Variants in SLC12A2 observed in about 807,000 individuals in gnomAD.
The protein encoded by SLC12A2 is Na-K-2Cl cotransporter 1.
SLC12A2 carries 67 observed loss-of-function variants against 136.3 expected under a neutral mutation model. The ratio of observed to expected loss-of-function variants is 0.49; its 90% CI spans 0.40 to 0.60. SLC12A2 has a LOEUF of 0.60. Ranked by LOEUF, SLC12A2 falls within the 20% of genes least tolerant of loss-of-function variation. SLC12A2 has a pLI of 0.00. For synonymous variants in SLC12A2, 619 were observed against 562.9 expected, an observed-to-expected ratio of 1.10 and a Z score of -1.41; for missense variants, 1,322 against 1,534.7, an observed-to-expected ratio of 0.86 and a Z score of 2.32.
In SLC12A2 at chr5:128,145,302, T is replaced by C. The variant is rs182719405; in HGVS notation, c.1774-2320T>C. 7.9e-5 allele frequency among the ~76,000 whole-genome samples: 12 copies of C among 152,228 alleles called. No homozygotes were observed. The East Asian group carries it at 1.5e-3, about 20-fold the overall frequency. On this transcript the variant is annotated intron_variant, in intron 10 of 26. Transcript: ENST00000262461. ...ATGTATCATATACTCTGTTCTCTACTTTCGTCCACTTATCTCTTTCTTTGT... is the reference window on the plus strand; with the variant it reads ...ATGTATCATATACTCTGTTCTCTACCTTCGTCCACTTATCTCTTTCTTTGT...
At chr5:128,133,942 G>A (rs1762105788) in intron 5 of SLC12A2, among the ~76,000 whole-genome samples, 1 of 151,996 alleles carries the variant, frequency 6.6e-6, no homozygotes, top group South Asian at 2.1e-4. Flanking sequence ...AAATATAGAA[G>A]CATTAATAAT....
At chr5:128,111,218 T>C (rs17164360) in intron 1 of SLC12A2, among the ~76,000 whole-genome samples, 5,553 of 152,258 alleles carry the variant, frequency 0.036, 362 homozygotes, top group African/African-American at 0.13. Context: ...CACACAATTA[T>C]TGCATCTGGC....
At chr5:128,150,464 T>C (rs1762666587) in intron 13 of SLC12A2, among the ~76,000 whole-genome samples, 1 of 151,750 alleles carries the variant, frequency 6.6e-6, no homozygotes, top group Non-Finnish European at 1.5e-5. Flanking sequence ...TTCTGTAAAA[T>C]TCTGAAAAGG....
intron 22 of SLC12A2, 23 bp from the exon 23 acceptor site, chr5:128,180,860 T>G: frequency 7.5e-7 from 1 of 1,333,774 alleles, no homozygotes; most frequent in Non-Finnish European, 1.1e-6. Flanking sequence ...TAGTAAATGA[T>G]TTATTACATT....
intron 20 of SLC12A2, among the ~76,000 whole-genome samples, chr5:128,176,651 AT>A (rs929158341): frequency 6.6e-6 from 1 of 151,938 alleles, no homozygotes; most frequent in Non-Finnish European, 1.5e-5. Context: ...AGTGTGATTA[AT>A]TTTTTACAAA....
At chr5:128,163,038 C>G (rs1763092740) in intron 17 of SLC12A2, among the ~76,000 whole-genome samples, 1 of 151,926 alleles carries the variant, frequency 6.6e-6, no homozygotes, top group Non-Finnish European at 1.5e-5. Flanking sequence ...CCCAGAGAAG[C>G]CAAAAGATTG....
chr5:128,084,010 G>T lies in SLC12A2; in HGVS notation c.56G>T (p.Gly19Val). 8.0e-7 allele frequency: 1 copy of T among 1,254,268 alleles called. No individual in the cohort carries two copies. The highest frequency in any genetic ancestry group is 1.0e-6 in the Non-Finnish European group (1 of 1,002,042). The allele number at this position is 1,254,268 out of a possible 1,614,324, so 77.7% of individuals were successfully genotyped here. The change falls in exon 1 of 27, where the codon GGG becomes GTG. Residue 19 changes from glycine to valine, a missense_variant. Coordinates refer to ENST00000262461, the MANE Select transcript of SLC12A2 (RefSeq NM_001046.3). This position sits in a 1 kb window ranked among gnomAD's most constrained non-coding sequence, Gnocchi z 5.6. ...SSGAPGLAGV[G>V]ETPSAAALAA... ...GGCGCCCCGGGACTGGCCGGGGTCG[G>T]GGAGACGCCGTCAGCCGCTGCGCTG... is the stretch of plus-strand genomic sequence containing the variant.
At chr5:128,155,177 C>A (rs190418047) in intron 15 of SLC12A2, among the ~76,000 whole-genome samples, 3 of 152,116 alleles carry the variant, frequency 2.0e-5, no homozygotes, top group Non-Finnish European at 2.9e-5. Context: ...CAGATGAAGC[C>A]GGATGTTGAG....
chr5:128,131,465 G>A (rs1471257032), intron 5 of SLC12A2, among the ~76,000 whole-genome samples: 4 of 151,448 alleles, frequency 2.6e-5, no homozygotes, highest in South Asian at 4.2e-4. Flanking sequence ...AGATCGAGGC[G>A]AGCGGATCAC....
intron 1 of SLC12A2, among the ~76,000 whole-genome samples, chr5:128,112,009 A>T (rs1761165995): frequency 6.6e-6 from 1 of 152,178 alleles, no homozygotes; most frequent in Non-Finnish European, 1.5e-5. Flanking sequence ...ACATAATTCT[A>T]AACCCAGAAC....
At chr5:128,090,058 C>T (rs1430355205) in intron 1 of SLC12A2, among the ~76,000 whole-genome samples, 1 of 152,174 alleles carries the variant, frequency 6.6e-6, no homozygotes, top group African/African-American at 2.4e-5. Flanking sequence ...CTTTGCCCTG[C>T]TAAACCCATG....
At chr5:128,126,422 A>T (rs554895525) in intron 4 of SLC12A2, among the ~76,000 whole-genome samples, 1 of 152,312 alleles carries the variant, frequency 6.6e-6, no homozygotes, top group Non-Finnish European at 1.5e-5. Flanking sequence ...ACTCTTGTAC[A>T]CTGTTGGTGG....
chr5:128,179,397 T>C (rs1003957496), intron 22 of SLC12A2, among the ~76,000 whole-genome samples: 7 of 152,202 alleles, frequency 4.6e-5, no homozygotes, highest in South Asian at 2.1e-4. Flanking sequence ...TGTGGACTCA[T>C]TGATTCCTAT....
At chr5:128,087,226 G>A (rs183856462) in intron 1 of SLC12A2, among the ~76,000 whole-genome samples, 2 of 152,262 alleles carry the variant, frequency 1.3e-5, no homozygotes, top group Non-Finnish European at 2.9e-5. Context: ...AGGACCAGTA[G>A]GCATGAGTTC....
rs199594807 is a variant in SLC12A2 at position 128,186,672 on chromosome 5, G to T, written c.*41G>T. 2.5e-6 allele frequency: 4 copies of T among 1,597,068 alleles called. No homozygotes were observed. Among genetic ancestry groups the T allele is most frequent in the Admixed American group, 1.7e-5 (1 of 58,734 alleles). Reference sequence around the variant, plus strand: ...GACAGCCCTCCAGAATGGTACTTCAGTGCCTAGTGTAGTAACTGAAATCTT... The same window carrying T: ...GACAGCCCTCCAGAATGGTACTTCATTGCCTAGTGTAGTAACTGAAATCTT... On this transcript the variant is annotated 3_prime_UTR_variant, in exon 27 of 27. Transcript: ENST00000262461.
chr5:128,178,434 G>T, intron 21 of SLC12A2, 133 bp from the exon 22 acceptor site: 2 of 504,638 alleles, frequency 4.0e-6, no homozygotes, highest in Non-Finnish European at 6.6e-6. Flanking sequence ...TATGGTAGAT[G>T]CCGTATACAA....
intron 1 of SLC12A2, among the ~76,000 whole-genome samples, chr5:128,089,603 A>G (rs1318227844): frequency 1.3e-5 from 2 of 152,206 alleles, no homozygotes; most frequent in African/African-American, 4.8e-5. Flanking sequence ...TTGAATGATT[A>G]TATAACTGAC....
intron 21 of SLC12A2, among the ~76,000 whole-genome samples, chr5:128,177,941 C>T (rs1763584900): frequency 6.6e-6 from 1 of 152,088 alleles, no homozygotes; most frequent in African/African-American, 2.4e-5. Context: ...GAGCTCCCAC[C>T]ATCTTTCTGT....
At chr5:128,120,265 T>G (rs1284206944) in intron 4 of SLC12A2, among the ~76,000 whole-genome samples, 3 of 149,088 alleles carry the variant, frequency 2.0e-5, no homozygotes, top group African/African-American at 7.4e-5. Flanking sequence ...TTGGTGGGAC[T>G]GTAAACTAGT....
Sources: gnomAD v4.1 joint callset for allele counts (sites outside exome capture counted in the v4.1 genomes callset) on GRCh38, gnomAD v4.1.1 for gene constraint, Gnocchi (gnomAD v3.1) non-coding constraint, MANE v1.5 for transcripts, NCBI Gene and HGNC (gene_info 2026-07-23, HGNC 2026-07-21) for gene names.